SYT14: variants seen among roughly 807,000 people sequenced by gnomAD.
SYT14 encodes the protein synaptotagmin-14.
Under a neutral mutation model 74.2 loss-of-function variants are expected in SYT14, and 32 were observed. The observed-to-expected ratio is 0.43, with a 90% CI of 0.33 to 0.58. SYT14 has a LOEUF of 0.58. Among genes scored for constraint, SYT14 ranks in the 20% least tolerant of loss-of-function variants. The probability of loss-of-function intolerance (pLI) is 0.05; values close to 1 mark genes in which losing one functional copy is unlikely to be tolerated. For synonymous variants in SYT14, 298 were observed against 337.7 expected, an observed-to-expected ratio of 0.88 and a Z score of 1.29; for missense variants, 791 against 981.8, an observed-to-expected ratio of 0.81 and a Z score of 2.60.
exon 1 of SYT14, chr1:209,938,264 C>T (rs2078665682): frequency 1.3e-6 from 2 of 1,562,060 alleles, no homozygotes. Context: ...GCGAGCGCAT[C>T]ATGGCGATTG....
chr1:210,116,009 A>AT (rs1393938668), intron 7 of SYT14, among the ~76,000 whole-genome samples: 1 of 151,026 alleles, frequency 6.6e-6, no homozygotes, highest in East Asian at 1.9e-4. Context: ...ATTATAGTCA[A>AT]TAGGGGTTGT....
intron 8 of SYT14, among the ~76,000 whole-genome samples, chr1:210,158,467 C>T (rs2083311098): frequency 1.3e-5 from 2 of 152,106 alleles, no homozygotes; most frequent in South Asian, 4.1e-4. Flanking sequence ...ATTTTTTTGA[C>T]AAATATTTAG....
intron 2 of SYT14, among the ~76,000 whole-genome samples, chr1:209,983,730 G>A (rs1378610987): frequency 6.6e-6 from 1 of 152,122 alleles, no homozygotes; most frequent in Non-Finnish European, 1.5e-5. Context: ...TTGTTTCTGT[G>A]AAATTCTTTT....
Position 210,122,496 on chromosome 1 carries a change from C to T in SYT14, c.2034+22035C>T, listed in dbSNP as rs559262120. On this transcript the variant is annotated intron_variant, in intron 7 of 9. Coordinates refer to ENST00000637265, the Ensembl canonical transcript of SYT14. Reference sequence around the variant, plus strand: ...GCTTTTGCCCAAAATTGACACATGCCACTTCCATTTACATTTCATTGTCTA... The same window carrying T: ...GCTTTTGCCCAAAATTGACACATGCTACTTCCATTTACATTTCATTGTCTA... 9.2e-5 allele frequency among the ~76,000 whole-genome samples: 14 copies of T among 152,064 alleles called. No homozygotes were observed. The South Asian group carries it at 2.5e-3, about 27-fold the overall frequency.
At chr1:209,940,314 A>G (rs1467918817) in intron 1 of SYT14, among the ~76,000 whole-genome samples, 1 of 152,192 alleles carries the variant, frequency 6.6e-6, no homozygotes, top group Non-Finnish European at 1.5e-5. Context: ...TCTTTTCAGT[A>G]AAGTGTTTCT....
chr1:209,951,084 C>G (rs558643400), intron 1 of SYT14, among the ~76,000 whole-genome samples: 12 of 152,272 alleles, frequency 7.9e-5, no homozygotes, highest in South Asian at 2.1e-4. Context: ...ATGATTAAAT[C>G]AAGCCAATTA....
In SYT14 at chr1:210,051,000, G is replaced by T. The variant is rs527906229; in HGVS notation, c.1312+29746G>T. Among the ~76,000 whole-genome samples the T allele has an allele frequency of 1.9e-4, 29 of 152,274 alleles. 1 individual carries two copies. In the South Asian group the frequency reaches 5.6e-3, roughly 29 times the overall value. On this transcript the variant is annotated intron_variant, in intron 5 of 9. Transcript: ENST00000637265. The stretch of plus-strand genomic sequence containing the variant: ...TAGAAATGAAGATCTAGGTGTGCTT[G>T]TTACTGCTGGGTATCATTTCATCTA...
chr1:210,012,893 G>C (rs2080112300), intron 2 of SYT14, among the ~76,000 whole-genome samples: 1 of 151,812 alleles, frequency 6.6e-6, no homozygotes, highest in Admixed American at 6.6e-5. Context: ...GTAGAGACAG[G>C]GTTTCGCCAC....
At chr1:210,062,391 C>T (rs906550286) in intron 5 of SYT14, among the ~76,000 whole-genome samples, 10 of 149,908 alleles carry the variant, frequency 6.7e-5, no homozygotes, top group Non-Finnish European at 1.5e-4. Context: ...GATAAGTATA[C>T]TGGGTCAATG....
At chr1:210,002,199 A>C (rs1212718978) in intron 2 of SYT14, among the ~76,000 whole-genome samples, 1 of 152,138 alleles carries the variant, frequency 6.6e-6, no homozygotes, top group Non-Finnish European at 1.5e-5. Flanking sequence ...AAAAGCAAGC[A>C]CCTATGTAAC....
intron 1 of SYT14, among the ~76,000 whole-genome samples, chr1:209,950,403 C>G (rs2078893388): frequency 6.6e-6 from 1 of 152,082 alleles, no homozygotes; most frequent in East Asian, 1.9e-4. Flanking sequence ...CTAGTATCTC[C>G]TCAATTGGAA....
At position 210,134,701 on chromosome 1, in the gene SYT14, C is replaced by T. The variant is rs566072768; in HGVS notation, c.2035-21020C>T. On this transcript the variant is annotated intron_variant, in intron 7 of 9. Coordinates refer to ENST00000637265, the Ensembl canonical transcript of SYT14. ...ACATGCTTTTCCTCCTCCTCCATTT[C>T]CTAAATCATTTTACAGTACCACTGT... 2.6e-5 allele frequency among the ~76,000 whole-genome samples: 4 copies of T among 152,228 alleles called. No individual in the cohort carries two copies. In the East Asian group the frequency reaches 5.8e-4, roughly 22 times the overall value.
At chr1:210,054,784 T>A (rs2081065914) in intron 5 of SYT14, among the ~76,000 whole-genome samples, 1 of 152,218 alleles carries the variant, frequency 6.6e-6, no homozygotes, top group Non-Finnish European at 1.5e-5. Flanking sequence ...AAGTGTGATA[T>A]ACTGCTTGGC....
At chr1:210,067,657 C>T (rs912380749) in intron 5 of SYT14, among the ~76,000 whole-genome samples, 2 of 151,828 alleles carry the variant, frequency 1.3e-5, no homozygotes, top group African/African-American at 4.8e-5. Flanking sequence ...AAAATTTACC[C>T]TCCCATTAAC....
At chr1:210,045,062 T>C (rs227176) in intron 5 of SYT14, among the ~76,000 whole-genome samples, 86,328 of 151,992 alleles carry the variant, frequency 0.57, 26,601 homozygotes, top group African/African-American at 0.82. Context: ...CAAATCATGT[T>C]ATGATTCTCT....
intron 1 of SYT14, among the ~76,000 whole-genome samples, chr1:209,939,210 C>G (rs1283473159): frequency 6.6e-6 from 1 of 152,188 alleles, no homozygotes; most frequent in Non-Finnish European, 1.5e-5. Flanking sequence ...CAGGCCCTGT[C>G]TCTTAGATTA....
intron 5 of SYT14, among the ~76,000 whole-genome samples, chr1:210,080,823 A>T (rs1464285265): frequency 2.0e-5 from 3 of 152,164 alleles, no homozygotes; most frequent in African/African-American, 7.2e-5. Flanking sequence ...TTAACCCAAC[A>T]TGCATGCATA....
exon 4 of SYT14, chr1:210,015,792 A>AT (rs570943851): frequency 0.02 from 17,399 of 849,436 alleles, 6 homozygotes; most frequent in Middle Eastern, 0.047. Flanking sequence ...AAGTGGTTTG[A>AT]TTTTTTTTTT....
intron 7 of SYT14, among the ~76,000 whole-genome samples, chr1:210,100,815 G>A (rs2082050910): frequency 6.6e-6 from 1 of 151,908 alleles, no homozygotes; most frequent in African/African-American, 2.4e-5. Context: ...GTTAAAACTA[G>A]GCAATACATT....
Sources: allele counts gnomAD v4.1 joint callset (sites outside exome capture counted in the v4.1 genomes callset), GRCh38; gene constraint gnomAD v4.1.1; transcripts MANE v1.5; gene names NCBI Gene and HGNC (gene_info 2026-07-23, HGNC 2026-07-21).